Variants in EHBP1 observed in about 807,000 individuals in gnomAD.
EHBP1 encodes EH domain-binding protein 1.
A neutral mutation model predicts 144.0 loss-of-function variants in EHBP1; 55 were observed. The ratio of observed to expected loss-of-function variants is 0.38; its 90% CI spans 0.31 to 0.48. The LOEUF is 0.48. Among genes scored for constraint, EHBP1 ranks in the 20% least tolerant of loss-of-function variants. EHBP1 has a pLI of 0.98. For synonymous variants in EHBP1, 469 were observed against 472.7 expected, an observed-to-expected ratio of 0.99 and a Z score of 0.10; for missense variants, 1,200 against 1,364.2, an observed-to-expected ratio of 0.88 and a Z score of 1.90.
intron 10 of EHBP1, among the ~76,000 whole-genome samples, chr2:62,875,160 A>G (rs1306701704): frequency 6.6e-6 from 1 of 152,236 alleles, no homozygotes; most frequent in Non-Finnish European, 1.5e-5. Flanking sequence ...GCACATGCAC[A>G]GTCCCCACTG....
At chr2:62,677,090 G>A (rs146117639) in intron 1 of EHBP1, among the ~76,000 whole-genome samples, 1 of 152,270 alleles carries the variant, frequency 6.6e-6, no homozygotes, top group East Asian at 1.9e-4. Flanking sequence ...GAGCTGGGGG[G>A]CAAGGGGAAA....
At chr2:62,817,917 G>GA (rs1309449706) in intron 5 of EHBP1, among the ~76,000 whole-genome samples, 1 of 151,864 alleles carries the variant, frequency 6.6e-6, no homozygotes, top group Non-Finnish European at 1.5e-5. Context: ...TCTCACATTT[G>GA]AAAATTTCTA....
At chr2:62,859,081 G>A in intron 7 of EHBP1, 88 bp from the exon 8 acceptor site, 2 of 1,279,252 alleles carry the variant, frequency 1.6e-6, no homozygotes, top group Non-Finnish European at 2.1e-6. Flanking sequence ...TATTATTCGT[G>A]TGAACTTTTA....
intron 10 of EHBP1, among the ~76,000 whole-genome samples, chr2:62,904,888 ACAAGAG>A (rs1303051772): frequency 6.6e-6 from 1 of 152,190 alleles, no homozygotes; most frequent in African/African-American, 2.4e-5. Context: ...AGAGTAGTAA[ACAAGAG>A]CAAGTCCTGC....
intron 13 of EHBP1, among the ~76,000 whole-genome samples, chr2:62,953,135 T>C (rs1036397594): frequency 6.7e-6 from 1 of 149,174 alleles, no homozygotes; most frequent in African/African-American, 2.5e-5. Flanking sequence ...GAGAATTGCT[T>C]GAACCCGGGA....
chr2:62,889,096 C>G (rs1016898022), intron 10 of EHBP1, among the ~76,000 whole-genome samples: 1 of 104,250 alleles, frequency 9.6e-6, no homozygotes, highest in African/African-American at 3.7e-5. Context: ...CAGAGTCTCA[C>G]TCTGTTGCCC....
At chr2:62,859,427 A>T in intron 8 of EHBP1, 136 bp downstream of exon 8, 2 of 816,594 alleles carry the variant, frequency 2.4e-6, no homozygotes, top group Non-Finnish European at 3.5e-6. Flanking sequence ...TGTGTTCAAT[A>T]CCACTTGGAG....
At chr2:62,972,669 A>T (rs1410309913) in intron 14 of EHBP1, among the ~76,000 whole-genome samples, 1 of 152,164 alleles carries the variant, frequency 6.6e-6, no homozygotes, top group Non-Finnish European at 1.5e-5. Flanking sequence ...ATGCCATCCC[A>T]CTGGAGAGCT....
At chr2:62,912,042 A>G (rs976440905) in intron 10 of EHBP1, among the ~76,000 whole-genome samples, 3 of 152,160 alleles carry the variant, frequency 2.0e-5, no homozygotes, top group Non-Finnish European at 4.4e-5. Flanking sequence ...CTTTAATAGT[A>G]TACTTGTTGA....
chr2:62,859,059 A>G lies in EHBP1; in HGVS notation c.635-110A>G, dbSNP rs1043286093. On this transcript the variant is annotated intron_variant, in intron 7 of 22. Transcript: ENST00000431489. ...TGTCATTGGTAAAATGCTATATACT[A>G]TTATTTGCAGGTATTATTCGTGTGA... The G allele has an allele frequency of 8.6e-6, 9 of 1,049,492 alleles. No individual in the cohort carries two copies. In the African/African-American group the frequency reaches 1.3e-4, roughly 15 times the overall value. The allele number at this position is 1,049,492 out of a possible 1,614,324, so 65.0% of individuals were successfully genotyped here. A position where few individuals can be genotyped will look rare whatever the true frequency, so the allele number is the denominator to read the frequency against.
chr2:62,849,170 T>C (rs1455927608), intron 7 of EHBP1, among the ~76,000 whole-genome samples: 2 of 151,966 alleles, frequency 1.3e-5, no homozygotes, highest in Non-Finnish European at 2.9e-5. Flanking sequence ...AGTTGGAAGC[T>C]GCCTTTTAGC....
intron 14 of EHBP1, among the ~76,000 whole-genome samples, chr2:62,963,443 AG>A (rs1276497594): frequency 6.6e-6 from 1 of 152,232 alleles, no homozygotes; most frequent in East Asian, 1.9e-4. Context: ...AATCTCTAAT[AG>A]TAACCTTTTC....
chr2:62,904,365 C>T (rs1348266986), intron 10 of EHBP1, among the ~76,000 whole-genome samples: 2 of 152,128 alleles, frequency 1.3e-5, no homozygotes, highest in East Asian at 1.9e-4. Flanking sequence ...ATGGCTGCAC[C>T]TGTAGGCCTT....
chr2:62,993,201 C>G (rs569486463), intron 16 of EHBP1, among the ~76,000 whole-genome samples: 2 of 152,082 alleles, frequency 1.3e-5, no homozygotes, highest in Non-Finnish European at 2.9e-5. Flanking sequence ...GAAACTAGTT[C>G]TTGTTGTCAT....
chr2:62,945,992 CTTCT>C (rs1303683159), intron 12 of EHBP1, among the ~76,000 whole-genome samples: 3 of 106,526 alleles, frequency 2.8e-5, no homozygotes, highest in African/African-American at 1.2e-4. Context: ...AAGTGAAATG[CTTCT>C]TTTTCATTAA....
rs372715119 is a variant in EHBP1 at position 62,894,175 on chromosome 2, A to G, written c.1185+19643A>G. On this transcript the variant is annotated intron_variant, in intron 10 of 22. Transcript: ENST00000431489. ...GAACTGTCCTGCAAACTAGGAGTTG[A>G]GAGGGACATGACTAAGACAAAGCCT... Among the ~76,000 whole-genome samples the G allele has an allele frequency of 4.7e-4, 72 of 152,342 alleles. 1 individual carries two copies. The highest frequency in any genetic ancestry group is 1.5e-3 in the African/African-American group (64 of 41,580).
intron 2 of EHBP1, among the ~76,000 whole-genome samples, chr2:62,745,591 A>G (rs2039080241): frequency 6.6e-6 from 1 of 152,078 alleles, no homozygotes; most frequent in Non-Finnish European, 1.5e-5. Flanking sequence ...CAAGATGCCT[A>G]TGAGATATTT....
intron 7 of EHBP1, among the ~76,000 whole-genome samples, chr2:62,845,686 T>C (rs1307912747): frequency 6.7e-6 from 1 of 149,754 alleles, no homozygotes; most frequent in Non-Finnish European, 1.5e-5. Flanking sequence ...AGGATTGTTA[T>C]GGGCTCAATT....
chr2:62,690,017 AAGTCC>A (rs1199372254), intron 1 of EHBP1, among the ~76,000 whole-genome samples: 2 of 152,242 alleles, frequency 1.3e-5, no homozygotes, highest in African/African-American at 4.8e-5. Flanking sequence ...GAACTGTGCT[AAGTCC>A]ACTTTTTAAT....
Sources: gnomAD v4.1 joint callset for allele counts (sites outside exome capture counted in the v4.1 genomes callset) on GRCh38, gnomAD v4.1.1 for gene constraint, MANE v1.5 for transcripts, NCBI Gene and HGNC (gene_info 2026-07-23, HGNC 2026-07-21) for gene names.